The following SPATS2 variants were observed in gnomAD, a reference collection of about 807,000 sequenced individuals.
SPATS2 encodes the protein spermatogenesis associated serine rich 2, also known as spermatogenesis-associated serine-rich protein 2.
SPATS2 carries 38 observed loss-of-function variants against 63.7 expected under a neutral mutation model. The observed-to-expected ratio is 0.60, with a 90% CI of 0.46 to 0.78. The LOEUF is 0.78. Among genes scored for constraint, SPATS2 ranks in the 30% least tolerant of loss-of-function variants. The pLI, the probability that SPATS2 is intolerant of heterozygous loss-of-function variation, is 0.00. For missense variants in SPATS2, 588 were observed against 666.2 expected, an observed-to-expected ratio of 0.88 and a Z score of 1.29; for synonymous variants, 207 against 232.9, an observed-to-expected ratio of 0.89 and a Z score of 1.01.
At chr12:49,378,425 G>A (rs1194409761) in intron 2 of SPATS2, among the ~76,000 whole-genome samples, 2 of 151,998 alleles carry the variant, frequency 1.3e-5, no homozygotes, top group Non-Finnish European at 2.9e-5. Context: ...AGCCTCCTGA[G>A]TAGCTGGGAC....
rs756442670 is a variant in SPATS2, at chr12:49,526,036, G to A, written c.1419G>A (p.Met473Ile). 5.6e-6 allele frequency: 9 copies of A among 1,614,128 alleles called. No individual in the cohort carries two copies. In the South Asian group the frequency reaches 9.9e-5, roughly 18 times the overall value. ...DPMNQGRHDSMGRYRNSSWYS... is the reference protein window; with the variant it reads ...DPMNQGRHDSIGRYRNSSWYS... ...TGAACCAAGGGCGGCATGACAGTAT[G>A]GGTCGTTACAGAAACAGCTCGTGGT... The change falls in exon 14 of 14, where the codon ATG becomes ATA. Residue 473 changes from methionine (M) to isoleucine (I), a missense_variant. Physicochemically the swap from Met to Ile is conservative, Grantham distance 10 (BLOSUM62 1). Coordinates refer to ENST00000552918, the MANE Select transcript of SPATS2 (RefSeq NM_023071.4).
At chr12:49,431,542 C>T (rs568087621) in intron 2 of SPATS2, among the ~76,000 whole-genome samples, 2 of 152,286 alleles carry the variant, frequency 1.3e-5, no homozygotes, top group South Asian at 2.1e-4. Flanking sequence ...GCCACCGCAC[C>T]GGGCCCAAAG....
chr12:49,516,167 ATATATATATATATAT>A (rs1345462252), intron 10 of SPATS2, among the ~76,000 whole-genome samples: 4 of 5,372 alleles, frequency 7.4e-4, no homozygotes, highest in Non-Finnish European at 8.8e-4. Context: ...AAAAAAAAAA[ATATATATATATATAT>A]ATATATATAT....
intron 2 of SPATS2, among the ~76,000 whole-genome samples, chr12:49,436,607 C>A (rs1321013295): frequency 1.3e-4 from 17 of 128,284 alleles, no homozygotes; most frequent in South Asian, 2.5e-4. Flanking sequence ...GGGCCGGGGG[C>A]TGACCCCCCC....
chr12:49,464,746 T>A lies in SPATS2; in HGVS notation c.25+3709T>A, dbSNP rs11169036. On this transcript the variant is annotated intron_variant, in intron 3 of 13. Coordinates refer to ENST00000552918, the MANE Select transcript of SPATS2 (RefSeq NM_023071.4). ...TGGGAGGCTGAGGTGGGAGGATTAC[T>A]TGAGCCCAGGAATTTGAGGCTACAG... Among the ~76,000 whole-genome samples, 188 of 152,242 alleles carry A rather than the reference T, an allele frequency of 1.2e-3. 1 individual carries two copies. The highest frequency in any genetic ancestry group is 4.1e-3 in the African/African-American group (169 of 41,546).
At chr12:49,368,143 G>A (rs1029449061) in intron 1 of SPATS2, among the ~76,000 whole-genome samples, 1 of 152,200 alleles carries the variant, frequency 6.6e-6, no homozygotes, top group African/African-American at 2.4e-5. Flanking sequence ...AAGCAGAAAG[G>A]TAGATTCAGT....
intron 2 of SPATS2, among the ~76,000 whole-genome samples, chr12:49,417,130 A>C (rs1310566387): frequency 6.6e-6 from 1 of 152,214 alleles, no homozygotes; most frequent in Non-Finnish European, 1.5e-5. Context: ...GGAACTTTGG[A>C]CTGACATTTG....
chr12:49,484,993 G>A (rs557053839), intron 4 of SPATS2, among the ~76,000 whole-genome samples: 3 of 151,938 alleles, frequency 2.0e-5, no homozygotes, highest in South Asian at 2.1e-4. Flanking sequence ...AGGAACAATC[G>A]AATAGGATCT....
intron 2 of SPATS2, among the ~76,000 whole-genome samples, chr12:49,450,496 G>A (rs1301814346): frequency 2.0e-5 from 3 of 151,814 alleles, no homozygotes; most frequent in African/African-American, 7.2e-5. Flanking sequence ...CGCCCGCCTC[G>A]GCCTCCCAAA....
chr12:49,525,294 A>C (rs1451754496), intron 13 of SPATS2, among the ~76,000 whole-genome samples: 1 of 152,148 alleles, frequency 6.6e-6, no homozygotes, highest in African/African-American at 2.4e-5. Context: ...GAGAGAGTGA[A>C]CTGGTGGGGA....
chr12:49,458,654 C>T (rs1458313428), intron 2 of SPATS2, among the ~76,000 whole-genome samples: 2 of 151,846 alleles, frequency 1.3e-5, no homozygotes, highest in African/African-American at 4.8e-5. Flanking sequence ...GTGGTGCATG[C>T]CTACAATTCC....
At chr12:49,478,226 A>G (rs909426375) in intron 3 of SPATS2, among the ~76,000 whole-genome samples, 3 of 152,194 alleles carry the variant, frequency 2.0e-5, no homozygotes, top group African/African-American at 7.2e-5. Flanking sequence ...CGATACTCCT[A>G]TCTTGGCCTC....
chr12:49,460,268 A>G (rs891630123), intron 2 of SPATS2, among the ~76,000 whole-genome samples: 3 of 152,184 alleles, frequency 2.0e-5, no homozygotes, highest in Non-Finnish European at 4.4e-5. Context: ...ATCCTGGTCA[A>G]CATGGTGAAA....
In SPATS2 at chr12:49,524,677, T is replaced by C. The variant is rs748195004; in HGVS notation, c.1112-5T>C. 1.2e-5 allele frequency: 19 copies of C among 1,614,104 alleles called. No homozygotes were observed. In the East Asian group the frequency reaches 4.2e-4, roughly 36 times the overall value. ...GATCATATATTCCTCATATTTCTGTTTCAGTGTCTCATCCAAAGAACAGCT... is the reference window on the plus strand; with the variant it reads ...GATCATATATTCCTCATATTTCTGTCTCAGTGTCTCATCCAAAGAACAGCT... On this transcript the variant is annotated splice_region_variant and splice_polypyrimidine_tract_variant and intron_variant, in intron 12 of 13. Transcript: ENST00000552918.
At chr12:49,510,407 G>C (rs1397781454) in intron 9 of SPATS2, among the ~76,000 whole-genome samples, 1 of 150,722 alleles carries the variant, frequency 6.6e-6, no homozygotes, top group Admixed American at 6.6e-5. Flanking sequence ...TACAAAAAAT[G>C]TAAAAAATTA....
intron 2 of SPATS2, among the ~76,000 whole-genome samples, chr12:49,408,084 A>T (rs1269755967): frequency 1.3e-5 from 2 of 152,210 alleles, no homozygotes; most frequent in Non-Finnish European, 2.9e-5. Context: ...TTAATATCTA[A>T]AAAGTTATTA....
intron 2 of SPATS2, among the ~76,000 whole-genome samples, chr12:49,395,467 C>A (rs2137269604): frequency 6.6e-6 from 1 of 151,410 alleles, no homozygotes. Flanking sequence ...CTCTGTTGCC[C>A]AGGATGGAAT....
chr12:49,501,608 G>GT lies in SPATS2; in HGVS notation c.839+1410dup, dbSNP rs776405583. Among the ~76,000 whole-genome samples the GT allele has an allele frequency of 1.6e-4, 25 of 152,094 alleles. No individual in the cohort carries two copies. The East Asian group carries it at 4.3e-3, about 26-fold the overall frequency. On this transcript the variant is annotated intron_variant, in intron 9 of 13. Transcript: ENST00000552918. The stretch of plus-strand genomic sequence containing the variant: ...GATATTAAGGTGTTAACGGATATTT[G>GT]TTTTTTTGTTTTGTTTTGTTTGTTT...
At chr12:49,455,256 C>T (rs1364152996) in intron 2 of SPATS2, among the ~76,000 whole-genome samples, 1 of 152,076 alleles carries the variant, frequency 6.6e-6, no homozygotes, top group Non-Finnish European at 1.5e-5. Flanking sequence ...TTGGGAACTG[C>T]CTTCAAAGCT....
Sources: allele counts gnomAD v4.1 joint callset (sites outside exome capture counted in the v4.1 genomes callset), GRCh38; gene constraint gnomAD v4.1.1; transcripts MANE v1.5; gene names NCBI Gene and HGNC (gene_info 2026-07-23, HGNC 2026-07-21).